The following PSMD6 variants were observed in gnomAD, a reference collection of about 807,000 sequenced individuals.
The protein encoded by PSMD6 is proteasome 26S subunit, non-ATPase 6.
A neutral mutation model predicts 44.9 loss-of-function variants in PSMD6; 7 were observed. The ratio of observed to expected loss-of-function variants is 0.16; its 90% CI spans 0.09 to 0.29. The LOEUF (loss-of-function observed/expected upper bound fraction) is 0.29, where lower values mean the gene tolerates loss of function less well. Ranked by LOEUF, PSMD6 falls within the 10% of genes least tolerant of loss-of-function variation. The pLI is 1.00. For synonymous variants in PSMD6, 184 were observed against 172.7 expected (o/e 1.07, Z -0.51); for missense variants, 420 against 482.6 (o/e 0.87, Z 1.21).
In PSMD6 at chr3:64,023,046, C is replaced by G. The variant is rs150597459; in HGVS notation, c.145+229G>C. On this transcript the variant is annotated intron_variant, in intron 1 of 7. Transcript: ENST00000295901. ...CCTCACGATTCTCCCCCAAGCTGCC[C>G]TTACAGGGGAAGGCGGCACAGAGAG... 13,855 of 1,429,030 alleles carry G rather than the reference C, an allele frequency of 9.7e-3. 88 individuals carry two copies. Among genetic ancestry groups the G allele is most frequent in the Non-Finnish European group, 0.01 (11,379 of 1,096,884 alleles). 88.5% of individuals were successfully genotyped at this position (1,429,030 alleles called of 1,614,324 possible). A position where few individuals can be genotyped will look rare whatever the true frequency, so the allele number is the denominator to read the frequency against.
chr3:64,010,615 T>TAAAAATTCCAAATAA lies in PSMD6; in HGVS notation c.*38_*52dup. 1 of 1,348,526 alleles carries TAAAAATTCCAAATAA rather than the reference T, an allele frequency of 7.4e-7. No homozygotes were observed. The highest frequency in any genetic ancestry group is 1.0e-6 in the Non-Finnish European group (1 of 963,832). 83.5% of individuals were successfully genotyped at this position (1,348,526 alleles called of 1,614,324 possible). A position where few individuals can be genotyped will look rare whatever the true frequency, so the allele number is the denominator to read the frequency against. ...CCTGGGCACATTGTGAAGTAAGCTA[T>TAAAAATTCCAAATAA]AAAAATTCCAAATAATTATCTCTAA... On this transcript the variant is annotated 3_prime_UTR_variant, in exon 8 of 8. Coordinates refer to ENST00000295901, the MANE Select transcript of PSMD6 (RefSeq NM_014814.3).
intron 2 of PSMD6, 94 bp from the exon 3 acceptor site, chr3:64,019,535 A>G: frequency 7.3e-7 from 1 of 1,372,122 alleles, no homozygotes. Context: ...GGTTGAGGGA[A>G]GAGGTAGGAG....
chr3:64,015,305 GTTCAATTTT>G (rs1021375615), intron 5 of PSMD6: 1 of 152,170 alleles, frequency 6.6e-6, no homozygotes, highest in Admixed American at 6.5e-5. Context: ...CCTTTGGAAA[GTTCAATTTT>G]TTAGACTTTT....
rs1559676691 is a variant in PSMD6, at chr3:64,018,581, TATC to T, written c.826+15_826+17del. 1 of 1,499,042 alleles carries T rather than the reference TATC, an allele frequency of 6.7e-7. No individual in the cohort carries two copies. The highest frequency in any genetic ancestry group is 2.3e-5 in the East Asian group (1 of 44,270). 92.9% of individuals were successfully genotyped at this position (1,499,042 alleles called of 1,614,324 possible). A position where few individuals can be genotyped will look rare whatever the true frequency, so the allele number is the denominator to read the frequency against. On this transcript the variant is annotated intron_variant, in intron 5 of 7. Transcript: ENST00000295901. ...TAAGATGAAGACAGATAATCAAAAA[TATC>T]AACCCTATCCTTACCTAATGATTGG...
At chr3:64,017,565 T>C (rs866149416) in intron 5 of PSMD6, 8 of 152,326 alleles carry the variant, frequency 5.3e-5, no homozygotes, top group Middle Eastern at 6.8e-3. Flanking sequence ...TATAACCTTA[T>C]ATGCAAAAGC....
At chr3:64,011,677 C>G (rs1160317998) in intron 6 of PSMD6, 1 of 151,968 alleles carries the variant, frequency 6.6e-6, no homozygotes, top group Non-Finnish European at 1.5e-5. Context: ...CAAATACTAC[C>G]TGAATTCAAC....
intron 2 of PSMD6, 94 bp downstream of exon 2, chr3:64,022,224 C>A: frequency 7.3e-7 from 1 of 1,373,696 alleles, no homozygotes; most frequent in Non-Finnish European, 1.0e-6. Context: ...TTTTCTAAAA[C>A]GAAGTTAATT....
In PSMD6 at chr3:64,022,518, C is replaced by T. The variant is rs765605705; in HGVS notation, c.151G>A (p.Ala51Thr). ...TTGCACAAGGCTTCATAGTAAGGAG[C>T]CATGTCTAACATGCAAAAAGAGGGA... ...LMAAVRDNNM[A>T]PYYEALCKSL... Residue 51 changes from alanine (A) to threonine (T), a missense_variant, in exon 2 of 8, where the codon GCT (alanine) becomes ACT (threonine). Ala to Thr is a moderately conservative substitution (Grantham distance 58). Coordinates refer to ENST00000295901, the MANE Select transcript of PSMD6 (RefSeq NM_014814.3). 43 of 1,613,552 alleles carry T rather than the reference C, an allele frequency of 2.7e-5. No individual in the cohort carries two copies. The Middle Eastern group carries it at 4.9e-4, about 19-fold the overall frequency.
chr3:64,021,890 C>T (rs1342729439), intron 2 of PSMD6, among the ~76,000 whole-genome samples: 1 of 151,880 alleles, frequency 6.6e-6, no homozygotes, highest in Admixed American at 6.6e-5. Flanking sequence ...TGGGCAGGTA[C>T]AGAGTAAAGA....
At chr3:64,015,260 G>A (rs2076024808) in intron 5 of PSMD6, 1 of 152,224 alleles carries the variant, frequency 6.6e-6, no homozygotes, top group African/African-American at 2.4e-5. Flanking sequence ...ACATATCTCT[G>A]GAGGGCAACA....
intron 6 of PSMD6, chr3:64,011,245 C>T: frequency 3.9e-6 from 1 of 255,002 alleles, no homozygotes; most frequent in Non-Finnish European, 7.4e-6. Context: ...AAATTAGGGA[C>T]CAAAACTGAT....
At chr3:64,022,109 C>T (rs2076142014) in intron 2 of PSMD6, among the ~76,000 whole-genome samples, 1 of 152,230 alleles carries the variant, frequency 6.6e-6, no homozygotes. Context: ...GGGAAGAATA[C>T]AGCCCTAGCT....
chr3:64,022,642 C>G (rs754447538), intron 1 of PSMD6, 119 bp from the exon 2 acceptor site: 1 of 1,562,124 alleles, frequency 6.4e-7, no homozygotes, highest in Non-Finnish European at 8.6e-7. Context: ...TCCCCACTAA[C>G]AGGAAGGCAT....
intron 5 of PSMD6, chr3:64,017,277 G>A (rs9809432): frequency 0.23 from 34,859 of 152,056 alleles, 4,938 homozygotes; most frequent in African/African-American, 0.39. Flanking sequence ...TACACTTGAG[G>A]TAATTTTATG....
rs765219283 is a variant in PSMD6, at chr3:64,023,318, G to C, written c.102C>G (p.Asp34Glu). The C allele has an allele frequency of 6.3e-7, 1 of 1,597,520 alleles. No individual in the cohort carries two copies. Among genetic ancestry groups the C allele is most frequent in the Admixed American group, 1.7e-5 (1 of 57,576 alleles). Reference sequence around the variant, plus strand: ...CCATCAGCTCGTCGCGCACGGCAGCGTCTCCGCGGTGCTCGGGCAGGCTGA... The same window carrying C: ...CCATCAGCTCGTCGCGCACGGCAGCCTCTCCGCGGTGCTCGGGCAGGCTGA... ...FLLSLPEHRG[D>E]AAVRDELMAA... Residue 34 changes from aspartate to glutamate, a missense_variant, in exon 1 of 8, where the codon GAC becomes GAG. Physicochemically the swap from Asp to Glu is conservative, Grantham distance 45. Coordinates refer to ENST00000295901, the MANE Select transcript of PSMD6 (RefSeq NM_014814.3).
intron 2 of PSMD6, chr3:64,019,662 TGC>T: frequency 2.2e-6 from 1 of 451,448 alleles, no homozygotes; most frequent in African/African-American, 2.0e-5. Flanking sequence ...ACATAAGAAA[TGC>T]CCAAGCATAT....
chr3:64,010,786 A>G lies in PSMD6; in HGVS notation c.1074-22T>C, dbSNP rs758819604. On this transcript the variant is annotated intron_variant, in intron 7 of 7. Coordinates refer to ENST00000295901, the MANE Select transcript of PSMD6 (RefSeq NM_014814.3). The stretch of plus-strand genomic sequence containing the variant: ...AGGTCTATAAATAAATTCAAGAAAA[A>G]ATGAATTATTTACCAGTCACATTAT... 6 of 1,586,016 alleles carry G rather than the reference A, an allele frequency of 3.8e-6. No individual in the cohort carries two copies. In the African/African-American group the frequency reaches 5.4e-5, roughly 14 times the overall value.
intron 2 of PSMD6, 27 bp downstream of exon 2, chr3:64,022,291 C>A (rs750538904): frequency 1.9e-6 from 3 of 1,610,332 alleles, no homozygotes; most frequent in Non-Finnish European, 2.5e-6. Context: ...ATACTAACTA[C>A]AGAGAGGGAA....
Position 64,018,963 on chromosome 3 carries a change from A to T in PSMD6, c.572T>A (p.Ile191Asn). 1 of 1,612,674 alleles carries T rather than the reference A, an allele frequency of 6.2e-7. No individual in the cohort carries two copies. ...KVYQGLYCVA[I>N]RDFKQAAELF... ...TTCAGCTGCCTGTTTGAAATCACGA[A>T]TAGCCACACAATAAAGACCCTGATA... The change falls in exon 4 of 8, where the codon ATT becomes AAT. Residue 191 changes from isoleucine (I) to asparagine (N), a missense_variant. Physicochemically the swap from Ile to Asn is moderately radical, Grantham distance 149. Around this residue, in one of 4 missense-constraint regions of PSMD6, gnomAD observed 216 missense variants for 227.0 expected, o/e 0.95. Transcript: ENST00000295901.
Sources: allele counts gnomAD v4.1 joint callset (sites outside exome capture counted in the v4.1 genomes callset), GRCh38; gene constraint gnomAD v4.1.1; regional missense constraint gnomAD v4.1.1; transcripts MANE v1.5; gene names NCBI Gene and HGNC (gene_info 2026-07-23, HGNC 2026-07-21).